ERC1: variants seen among roughly 807,000 people sequenced by gnomAD.
ERC1 encodes RAB6 interacting protein 2.
ERC1 carries 56 observed loss-of-function variants against 132.0 expected under a neutral mutation model. That is an observed-to-expected ratio of 0.42 (90% CI 0.34 to 0.53). The LOEUF (loss-of-function observed/expected upper bound fraction) is 0.53. Ranked by LOEUF, ERC1 falls within the 20% of genes least tolerant of loss-of-function variation. The pLI, the probability that ERC1 is intolerant of heterozygous loss-of-function variation, is 0.03. For synonymous variants in ERC1, 478 were observed against 476.1 expected, an observed-to-expected ratio of 1.00 and a Z score of -0.05; for missense variants, 1,202 against 1,349.9, an observed-to-expected ratio of 0.89 and a Z score of 1.72.
chr12:1,465,621 A>G (rs1305625929), intron 18 of ERC1, among the ~76,000 whole-genome samples: 1 of 152,234 alleles, frequency 6.6e-6, no homozygotes, highest in Admixed American at 6.5e-5. Flanking sequence ...ACCCTGAAAT[A>G]TGAACCATCT....
At chr12:1,271,525 G>A (rs995355678) in intron 14 of ERC1, among the ~76,000 whole-genome samples, 3 of 152,122 alleles carry the variant, frequency 2.0e-5, no homozygotes, top group South Asian at 4.1e-4. Flanking sequence ...CTACATTATC[G>A]TCAGTTTTAG....
chr12:1,451,025 T>C (rs2093414601), intron 18 of ERC1, among the ~76,000 whole-genome samples: 1 of 152,218 alleles, frequency 6.6e-6, no homozygotes, highest in Non-Finnish European at 1.5e-5. Flanking sequence ...TGTTACTGAG[T>C]TTTAGAAGTT....
chr12:1,407,341 AAATTGT>A (rs1310487053), intron 16 of ERC1, among the ~76,000 whole-genome samples: 4 of 152,104 alleles, frequency 2.6e-5, no homozygotes, highest in Admixed American at 1.3e-4. Flanking sequence ...ACTCTGTAGT[AAATTGT>A]AATAGTTGTT....
chr12:1,276,661 G>A (rs775513431), intron 14 of ERC1, among the ~76,000 whole-genome samples: 21 of 151,944 alleles, frequency 1.4e-4, no homozygotes, highest in Admixed American at 2.6e-4. Context: ...CTCCTAGAAT[G>A]AAAGCTCCTT....
At chr12:1,421,558 G>A (rs1025837767) in intron 17 of ERC1, among the ~76,000 whole-genome samples, 4 of 152,142 alleles carry the variant, frequency 2.6e-5, no homozygotes, top group Admixed American at 6.5e-5. Context: ...TAACAGGTCC[G>A]AGTGGAGTCA....
intron 1 of ERC1, among the ~76,000 whole-genome samples, chr12:1,002,340 ATTTT>A (rs569633435): frequency 7.6e-6 from 1 of 131,476 alleles, no homozygotes. Context: ...TGCTTGGCTA[ATTTT>A]TTTTTTTTTT....
rs556285889 is a variant in ERC1, at chr12:1,319,589, C to T, written c.2780+29577C>T. Among the ~76,000 whole-genome samples, 15 of 152,250 alleles carry T rather than the reference C, an allele frequency of 9.9e-5. No individual in the cohort carries two copies. In the East Asian group the frequency reaches 2.9e-3, roughly 29 times the overall value. ...TTATCCATGCATAGCTGGTCAGTCC[C>T]ATAAATTTTAGTACTAAAATATCAC... On this transcript the variant is annotated intron_variant, in intron 15 of 18. Coordinates refer to ENST00000360905, the MANE Select transcript of ERC1 (RefSeq NM_178040.4).
intron 11 of ERC1, among the ~76,000 whole-genome samples, chr12:1,187,498 C>T (rs1210339287): frequency 6.6e-6 from 1 of 151,786 alleles, no homozygotes; most frequent in Admixed American, 6.6e-5. Flanking sequence ...AACTCCTGGG[C>T]TCAAGGAATT....
intron 15 of ERC1, among the ~76,000 whole-genome samples, chr12:1,299,092 C>T (rs1365187944): frequency 6.6e-6 from 1 of 152,134 alleles, no homozygotes; most frequent in East Asian, 1.9e-4. Flanking sequence ...GGGATTTTGA[C>T]CTCTATTCCT....
At chr12:1,054,561 AGCTGTTTTTCTCCTG>A (rs1446159821) in intron 2 of ERC1, among the ~76,000 whole-genome samples, 1 of 151,704 alleles carries the variant, frequency 6.6e-6, no homozygotes, top group African/African-American at 2.4e-5. Flanking sequence ...TGGCAGTGTT[AGCTGTTTTTCTCCTG>A]GCATGTCACT....
intron 18 of ERC1, among the ~76,000 whole-genome samples, chr12:1,459,212 T>A (rs1466027289): frequency 6.6e-6 from 1 of 152,220 alleles, no homozygotes; most frequent in Non-Finnish European, 1.5e-5. Context: ...CAGCAATATT[T>A]AATTTAGGGT....
Position 1,046,113 on chromosome 12 carries a change from T to C in ERC1, c.669+17541T>C, listed in dbSNP as rs1349632190. On this transcript the variant is annotated intron_variant, in intron 2 of 18. Transcript: ENST00000360905. The stretch of plus-strand genomic sequence containing the variant: ...AAAGTGGGGGAGACTGGCATAGGAT[T>C]GTCAAATAAAAACAATTAAAAAGTG... Among the ~76,000 whole-genome samples the C allele has an allele frequency of 2.0e-5, 3 of 152,084 alleles. No homozygotes were observed. The East Asian group carries it at 5.8e-4, about 29-fold the overall frequency.
rs143723247 is a variant in ERC1 at position 1,084,810 on chromosome 12, G to A, written c.1086+1230G>A. On this transcript the variant is annotated intron_variant, in intron 3 of 18. Coordinates refer to ENST00000360905, the MANE Select transcript of ERC1 (RefSeq NM_178040.4). ...GGGCTTAGGTGAGCCTTCTGCCTTA[G>A]CCTCCCTAGTAGGTAGGTCTACAGG... Among the ~76,000 whole-genome samples, 395 of 152,044 alleles carry A rather than the reference G, an allele frequency of 2.6e-3. 1 individual carries two copies. Among genetic ancestry groups the A allele is most frequent in the African/African-American group, 9.2e-3 (382 of 41,462 alleles).
At chr12:1,212,765 C>T (rs1197183789) in intron 12 of ERC1, among the ~76,000 whole-genome samples, 1 of 152,198 alleles carries the variant, frequency 6.6e-6, no homozygotes, top group Admixed American at 6.5e-5. Context: ...GGCCAGGCTC[C>T]TCCCTGCTGC....
intron 2 of ERC1, among the ~76,000 whole-genome samples, chr12:1,072,585 T>C (rs1940603320): frequency 6.6e-6 from 1 of 152,130 alleles, no homozygotes; most frequent in South Asian, 2.1e-4. Context: ...GTACAAATGT[T>C]TATACTGCAG....
chr12:1,038,095 A>G (rs1969452152), intron 2 of ERC1, among the ~76,000 whole-genome samples: 1 of 152,030 alleles, frequency 6.6e-6, no homozygotes, highest in Non-Finnish European at 1.5e-5. Flanking sequence ...ATGAAAGAAC[A>G]GTTTCACAAA....
chr12:1,351,309 CTA>C (rs2084973436), intron 15 of ERC1, among the ~76,000 whole-genome samples: 1 of 152,272 alleles, frequency 6.6e-6, no homozygotes, highest in Admixed American at 6.5e-5. Flanking sequence ...CAAATAATTT[CTA>C]TGTTTTGAGT....
intron 16 of ERC1, among the ~76,000 whole-genome samples, chr12:1,403,905 A>G (rs2091276197): frequency 6.6e-6 from 1 of 152,260 alleles, no homozygotes; most frequent in South Asian, 2.1e-4. Context: ...ATTGAATGAC[A>G]TGATACAGAT....
chr12:1,141,413 G>A (rs1949852650), intron 7 of ERC1, among the ~76,000 whole-genome samples: 1 of 152,188 alleles, frequency 6.6e-6, no homozygotes, highest in African/African-American at 2.4e-5. Flanking sequence ...TGATGTGCAT[G>A]AAGTTTGAGA....
Sources: allele counts gnomAD v4.1 joint callset (sites outside exome capture counted in the v4.1 genomes callset), GRCh38; gene constraint gnomAD v4.1.1; transcripts MANE v1.5; gene names NCBI Gene and HGNC (gene_info 2026-07-23, HGNC 2026-07-21).